NAALADL2: variants seen among roughly 807,000 people sequenced by gnomAD.
NAALADL2 encodes N-acetylated alpha-linked acidic dipeptidase like 2.
In NAALADL2, 76 loss-of-function variants were observed where a neutral mutation model predicts 87.2. That is an observed-to-expected ratio of 0.87 (90% CI 0.72 to 1.05). The LOEUF (loss-of-function observed/expected upper bound fraction) is 1.05, where lower values mean the gene tolerates loss of function less well. Ranked by LOEUF, NAALADL2 falls within the 50% of genes least tolerant of loss-of-function variation. The probability of loss-of-function intolerance (pLI) is 0.00; values close to 1 mark genes in which losing one functional copy is unlikely to be tolerated. For synonymous variants in NAALADL2, 354 were observed against 331.0 expected, an observed-to-expected ratio of 1.07 and a Z score of -0.75; for missense variants, 1,089 against 945.8, an observed-to-expected ratio of 1.15 and a Z score of -1.99.
At chr3:175,648,565 T>C (rs1393977464) in intron 11 of NAALADL2, among the ~76,000 whole-genome samples, 1 of 151,850 alleles carries the variant, frequency 6.6e-6, no homozygotes, top group Non-Finnish European at 1.5e-5. Context: ...ATTTTGAATA[T>C]GTGCCAATGT....
chr3:175,332,635 T>G (rs1231413263), intron 5 of NAALADL2, among the ~76,000 whole-genome samples: 1 of 152,198 alleles, frequency 6.6e-6, no homozygotes, highest in African/African-American at 2.4e-5. Flanking sequence ...TGTTGAGACG[T>G]GTGTTGTGCC....
intron 5 of NAALADL2, among the ~76,000 whole-genome samples, chr3:175,351,757 A>T (rs547548173): frequency 6.6e-6 from 1 of 152,166 alleles, no homozygotes; most frequent in Middle Eastern, 3.4e-3. Context: ...TTGAGGAAAG[A>T]TGGCAATGAA....
intron 6 of NAALADL2, among the ~76,000 whole-genome samples, chr3:175,449,071 T>G (rs1219306986): frequency 1.3e-5 from 2 of 152,088 alleles, no homozygotes; most frequent in African/African-American, 4.8e-5. Flanking sequence ...ATCTTTGTTA[T>G]CAAATAACTA....
Position 175,584,164 on chromosome 3 carries a change from A to G in NAALADL2, c.1800+7977A>G, listed in dbSNP as rs867030618. Among the ~76,000 whole-genome samples the G allele has an allele frequency of 9.2e-5, 14 of 151,934 alleles. No individual in the cohort carries two copies. In the South Asian group the frequency reaches 2.7e-3, roughly 29 times the overall value. On this transcript the variant is annotated intron_variant, in intron 10 of 13. Coordinates refer to ENST00000454872, the MANE Select transcript of NAALADL2 (RefSeq NM_207015.3). The stretch of plus-strand genomic sequence containing the variant: ...GCAATTCTCCTGCCTCAGCCTCCTG[A>G]GTAACTGGGATTACAGGCATGCACC...
intron 3 of NAALADL2, among the ~76,000 whole-genome samples, chr3:174,742,194 G>A (rs537978402): frequency 4.6e-5 from 7 of 151,522 alleles, no homozygotes; most frequent in East Asian, 1.9e-4. Context: ...AATATTTATG[G>A]TGAGCCTATT....
At chr3:174,547,655 A>C (rs551926559) in intron 1 of NAALADL2, among the ~76,000 whole-genome samples, 2 of 152,214 alleles carry the variant, frequency 1.3e-5, no homozygotes, top group South Asian at 4.1e-4. Context: ...GGTCCATATG[A>C]CCAAATCCTA....
intron 2 of NAALADL2, among the ~76,000 whole-genome samples, chr3:174,577,910 G>A (rs1346195198): frequency 6.6e-6 from 1 of 151,964 alleles, no homozygotes; most frequent in Non-Finnish European, 1.5e-5. Context: ...GTGAAAAGAT[G>A]GAGAATCAGA....
chr3:175,049,688 A>AT (rs1359281290), intron 1 of NAALADL2, among the ~76,000 whole-genome samples: 1 of 152,148 alleles, frequency 6.6e-6, no homozygotes, highest in Non-Finnish European at 1.5e-5. Context: ...AAAAAAGGGG[A>AT]TTGATCCCTA....
chr3:174,947,857 T>G (rs1739693805), intron 1 of NAALADL2, among the ~76,000 whole-genome samples: 1 of 152,156 alleles, frequency 6.6e-6, no homozygotes, highest in South Asian at 2.1e-4. Context: ...AGACTTGCAC[T>G]GAGCTTTATT....
intron 12 of NAALADL2, among the ~76,000 whole-genome samples, chr3:175,741,080 G>T (rs1290149085): frequency 1.3e-5 from 2 of 152,098 alleles, no homozygotes; most frequent in African/African-American, 4.8e-5. Flanking sequence ...CACAAGGATT[G>T]AGGACTTCAC....
At chr3:175,117,614 C>A (rs996721079) in intron 2 of NAALADL2, among the ~76,000 whole-genome samples, 1 of 150,274 alleles carries the variant, frequency 6.7e-6, no homozygotes. Flanking sequence ...AGTCAGGAAA[C>A]AACAGGTGCT....
intron 2 of NAALADL2, among the ~76,000 whole-genome samples, chr3:174,701,917 G>A (rs999727750): frequency 1.3e-5 from 2 of 152,122 alleles, no homozygotes; most frequent in Non-Finnish European, 2.9e-5. Flanking sequence ...ACAAGTCTTT[G>A]TATAGACATG....
intron 13 of NAALADL2, among the ~76,000 whole-genome samples, chr3:175,764,107 C>T (rs1264020879): frequency 6.7e-6 from 1 of 150,240 alleles, no homozygotes; most frequent in Non-Finnish European, 1.5e-5. Context: ...TTAAATTAAC[C>T]TTTATTTTAT....
At chr3:174,787,748 G>C (rs1716985844) in intron 3 of NAALADL2, among the ~76,000 whole-genome samples, 1 of 150,356 alleles carries the variant, frequency 6.7e-6, no homozygotes, top group African/African-American at 2.4e-5. Flanking sequence ...ATAAATTTGA[G>C]TTTCAACCTA....
chr3:175,680,052 T>C (rs1437073537), intron 11 of NAALADL2, among the ~76,000 whole-genome samples: 1 of 152,198 alleles, frequency 6.6e-6, no homozygotes, highest in Non-Finnish European at 1.5e-5. Flanking sequence ...TCACTAATGG[T>C]ACCAAACCTT....
chr3:174,810,559 G>A (rs775827149), intron 3 of NAALADL2, among the ~76,000 whole-genome samples: 1 of 149,974 alleles, frequency 6.7e-6, no homozygotes, highest in Non-Finnish European at 1.5e-5. Context: ...CATTCAAGAT[G>A]TAGCTTGGCT....
chr3:175,099,764 G>A (rs946884196), intron 2 of NAALADL2, among the ~76,000 whole-genome samples: 3 of 152,050 alleles, frequency 2.0e-5, no homozygotes, highest in Non-Finnish European at 2.9e-5. Context: ...CCTAAAAGTT[G>A]TGCAATACAA....
intron 2 of NAALADL2, among the ~76,000 whole-genome samples, chr3:174,686,332 T>C (rs1728038134): frequency 1.3e-5 from 2 of 152,068 alleles, no homozygotes; most frequent in Non-Finnish European, 2.9e-5. Context: ...GCAGCATCTG[T>C]TATTTATTTA....
chr3:175,568,478 C>T (rs1717564462), intron 9 of NAALADL2, among the ~76,000 whole-genome samples: 1 of 152,156 alleles, frequency 6.6e-6, no homozygotes, highest in South Asian at 2.1e-4. Flanking sequence ...AGTTTATTCC[C>T]ATGCGTTAAT....
Sources: allele counts gnomAD v4.1 joint callset (sites outside exome capture counted in the v4.1 genomes callset), GRCh38; gene constraint gnomAD v4.1.1; transcripts MANE v1.5; gene names NCBI Gene and HGNC (gene_info 2026-07-23, HGNC 2026-07-21).